The following MAP2K2 variants were observed in gnomAD, a reference collection of about 807,000 sequenced individuals.
MAP2K2 encodes the protein dual specificity mitogen-activated protein kinase kinase 2.
In MAP2K2, 24 loss-of-function variants were observed where a neutral mutation model predicts 43.7. The observed-to-expected ratio is 0.55, with a 90% CI of 0.40 to 0.77. MAP2K2 has a LOEUF of 0.77. MAP2K2 is among the 30% of genes least tolerant of loss of function. MAP2K2 has a pLI of 0.00. For synonymous variants in MAP2K2, 244 were observed against 239.7 expected (o/e 1.02, Z -0.17); for missense variants, 470 against 566.8 (o/e 0.83, Z 1.73).
rs2041165576 is a variant in MAP2K2, at chr19:4,112,437, C to T, written c.304-1782G>A. Among the ~76,000 whole-genome samples the T allele has an allele frequency of 2.6e-5, 4 of 152,258 alleles. No homozygotes were observed. The South Asian group carries it at 6.2e-4, about 24-fold the overall frequency. The stretch of plus-strand genomic sequence containing the variant: ...TCCAGGCAGAGGGACAAAGAGCCGC[C>T]TGTCAGCGGGCACGGAGGCATGAAG... On this transcript the variant is annotated intron_variant, in intron 2 of 10. Transcript: ENST00000262948.
rs1205159482 is a variant in MAP2K2 at position 4,099,414 on chromosome 19, G to A, written c.706C>T (p.Pro236Ser). ...TAATGTGTGCCCTGCAACCGCTCCGGCTGCAGCAGAGCCAGGGAGGAAAGA... is the reference window on the plus strand; with the variant it reads ...TAATGTGTGCCCTGCAACCGCTCCGACTGCAGCAGAGCCAGGGAGGAAAGA... ...SFVGTRSYMAPERLQGTHYSV... is the reference protein window; with the variant it reads ...SFVGTRSYMASERLQGTHYSV... Residue 236 changes from proline (P) to serine (S), a missense_variant and splice_region_variant, in exon 7 of 11, where the codon CCG (proline) becomes TCG (serine). Transcript: ENST00000262948. The A allele has an allele frequency of 2.5e-6, 4 of 1,599,622 alleles. No individual in the cohort carries two copies. The Admixed American group carries it at 6.9e-5, about 28-fold the overall frequency.
intron 1 of MAP2K2, among the ~76,000 whole-genome samples, chr19:4,122,030 C>G (rs1458351584): frequency 2.1e-5 from 3 of 141,692 alleles, no homozygotes; most frequent in African/African-American, 8.0e-5. Flanking sequence ...CCCTAGGTGC[C>G]CTCTTCATCC....
intron 4 of MAP2K2, 47 bp downstream of exon 4, chr19:4,102,329 C>A (rs372637213): frequency 6.7e-7 from 1 of 1,482,316 alleles, no homozygotes; most frequent in South Asian, 1.2e-5. Context: ...GGAAGAGGTC[C>A]GTGCAGAGTG....
chr19:4,108,394 C>G (rs1306504394), intron 3 of MAP2K2, among the ~76,000 whole-genome samples: 1 of 151,766 alleles, frequency 6.6e-6, no homozygotes, highest in Non-Finnish European at 1.5e-5. Flanking sequence ...GCACCCGCCA[C>G]CATGCCTGGC....
intron 7 of MAP2K2, among the ~76,000 whole-genome samples, chr19:4,098,451 A>G (rs1251146969): frequency 6.6e-6 from 1 of 152,132 alleles, no homozygotes; most frequent in East Asian, 1.9e-4. Context: ...AACCAACCAC[A>G]GTCCGCTACA....
chr19:4,100,971 G>GA (rs769279128), intron 6 of MAP2K2, 48 bp downstream of exon 6: 25 of 1,548,964 alleles, frequency 1.6e-5, no homozygotes, highest in Middle Eastern at 2.3e-4. Context: ...GAGCTTGGGG[G>GA]AGAGCAGCAG....
chr19:4,094,420 C>T (rs1168143536), intron 10 of MAP2K2, 33 bp downstream of exon 10: 11 of 1,551,570 alleles, frequency 7.1e-6, no homozygotes, highest in Admixed American at 5.9e-5. Flanking sequence ...AGCCTGCACC[C>T]TCCCGGTCCC....
chr19:4,116,649 A>C lies in MAP2K2; in HGVS notation c.303+770T>G, dbSNP rs184609379. ...ACACCCAGGCTCCCATGCTCTGTACAGCGCAGTGCTGAGCTGCTGTCTGTT... is the reference window on the plus strand; with the variant it reads ...ACACCCAGGCTCCCATGCTCTGTACCGCGCAGTGCTGAGCTGCTGTCTGTT... On this transcript the variant is annotated intron_variant, in intron 2 of 10. Transcript: ENST00000262948. Among the ~76,000 whole-genome samples, 847 of 152,248 alleles carry C rather than the reference A, an allele frequency of 5.6e-3. 7 individuals are homozygous for C. Among genetic ancestry groups the C allele is most frequent in the African/African-American group, 0.019 (808 of 41,542 alleles).
rs730880514 is a variant in MAP2K2, at chr19:4,090,689, C to A, written c.1112G>T (p.Arg371Leu). 11 of 1,558,380 alleles carry A rather than the reference C, an allele frequency of 7.1e-6. No homozygotes were observed. The highest frequency in any genetic ancestry group is 1.9e-5 in the Admixed American group (1 of 51,764). The change falls in exon 11 of 11, where the codon CGG (arginine) becomes CTG (leucine). Residue 371 changes from arginine (R) to leucine (L), a missense_variant. This residue lies in a region of MAP2K2 where 212 missense variants were observed against 220.8 expected (regional missense o/e 0.96). Transcript: ENST00000262948. ...AAAATCCACTTCTTCCACCTCGGAC[C>A]GCTTGATGAAGGTGTGGTTCTGCAA... ...KMLTNHTFIKRSEVEEVDFAG... is the reference protein window; with the variant it reads ...KMLTNHTFIKLSEVEEVDFAG...
chr19:4,104,933 C>G (rs1599294633), intron 3 of MAP2K2: 1 of 152,506 alleles, frequency 6.6e-6, no homozygotes, highest in East Asian at 1.9e-4. Flanking sequence ...CAGGAGCATC[C>G]CCCAGTTGTG....
Position 4,094,434 on chromosome 19 carries a change from A to C in MAP2K2, c.1092+19T>G, listed in dbSNP as rs2145041758. 6.4e-7 allele frequency: 1 copy of C among 1,555,248 alleles called. No homozygotes were observed. The highest frequency in any genetic ancestry group is 8.7e-7 in the Non-Finnish European group (1 of 1,148,980). ...CAGCCTGCACCCTCCCGGTCCCAGA[A>C]CCCGCTGGCATCACTCACTGTGAGC... is the stretch of plus-strand genomic sequence containing the variant. On this transcript the variant is annotated intron_variant, in intron 10 of 10. Transcript: ENST00000262948.
chr19:4,114,594 G>C (rs764989300), intron 2 of MAP2K2, among the ~76,000 whole-genome samples: 5 of 152,228 alleles, frequency 3.3e-5, no homozygotes, highest in African/African-American at 4.8e-5. Context: ...TGCTCCAATG[G>C]GAGAGGGGTC....
At chr19:4,122,842 G>A (rs1311148396) in intron 1 of MAP2K2, among the ~76,000 whole-genome samples, 1 of 150,552 alleles carries the variant, frequency 6.6e-6, no homozygotes. Context: ...TTCCCACAGG[G>A]ACCTCCCTTG....
chr19:4,118,244 C>A (rs1455012750), intron 1 of MAP2K2, among the ~76,000 whole-genome samples: 1 of 152,150 alleles, frequency 6.6e-6, no homozygotes, highest in Non-Finnish European at 1.5e-5. Flanking sequence ...GGCCGGGAGA[C>A]CTCCTTCCTA....
rs201076824 is a variant in MAP2K2 at position 4,110,480 on chromosome 19, G to A, written c.450+29C>T. The A allele has an allele frequency of 1.2e-4, 187 of 1,610,354 alleles. No homozygotes were observed. In the African/African-American group the frequency reaches 2.3e-3, roughly 20 times the overall value. ...ACATGCTCTGTTCCGTGGAGGCCCT[G>A]CCCCTGCCCCTGCCCCGGACGCACT... On this transcript the variant is annotated intron_variant, in intron 3 of 10. Transcript: ENST00000262948.
intron 8 of MAP2K2, among the ~76,000 whole-genome samples, chr19:4,096,797 C>T (rs2040924779): frequency 6.6e-6 from 1 of 152,176 alleles, no homozygotes; most frequent in African/African-American, 2.4e-5. Flanking sequence ...GAGCCCAGGG[C>T]TGCTGGCACA....
At chr19:4,122,658 G>A (rs1049706040) in intron 1 of MAP2K2, among the ~76,000 whole-genome samples, 2 of 144,978 alleles carry the variant, frequency 1.4e-5, no homozygotes, top group Non-Finnish European at 3.0e-5. Context: ...CTGATCTCAC[G>A]ACTTAGGGAT....
At chr19:4,120,034 C>T (rs1167697661) in intron 1 of MAP2K2, among the ~76,000 whole-genome samples, 3 of 152,264 alleles carry the variant, frequency 2.0e-5, no homozygotes, top group Non-Finnish European at 4.4e-5. Context: ...GGACAAACAC[C>T]ATCTCATTCC....
intron 7 of MAP2K2, 50 bp downstream of exon 7, chr19:4,099,151 C>T (rs781212774): frequency 1.5e-5 from 23 of 1,499,872 alleles, no homozygotes; most frequent in Admixed American, 3.8e-5. Flanking sequence ...CAGCAGGCCC[C>T]GCGCAGGGCA....
Sources: gnomAD v4.1 joint callset for allele counts (sites outside exome capture counted in the v4.1 genomes callset) on GRCh38, gnomAD v4.1.1 for gene constraint, gnomAD v4.1.1 regional missense constraint, MANE v1.5 for transcripts, NCBI Gene and HGNC (gene_info 2026-07-23, HGNC 2026-07-21) for gene names.